Variants in POU6F2 observed in about 807,000 individuals in gnomAD.
The protein encoded by POU6F2 is POU domain, class 6, transcription factor 2.
Under a neutral mutation model 71.3 loss-of-function variants are expected in POU6F2, and 31 were observed. That is an observed-to-expected ratio of 0.43 (90% CI 0.33 to 0.59). The LOEUF (loss-of-function observed/expected upper bound fraction) is 0.59. Among genes scored for constraint, POU6F2 ranks in the 20% least tolerant of loss-of-function variants. POU6F2 has a pLI of 0.04. For missense variants in POU6F2, 783 were observed against 856.8 expected (o/e 0.91, Z 1.07); for synonymous variants, 347 against 355.7 (o/e 0.98, Z 0.27).
At chr7:39,454,767 A>C (rs143980464) in intron 8 of POU6F2, among the ~76,000 whole-genome samples, 1 of 135,430 alleles carries the variant, frequency 7.4e-6, no homozygotes, top group Non-Finnish European at 1.6e-5. Context: ...TCACAATATC[A>C]CCAAAACTTT....
intron 4 of POU6F2, among the ~76,000 whole-genome samples, chr7:39,307,658 CAATT>C (rs1285621897): frequency 9.9e-5 from 15 of 152,142 alleles, no homozygotes; most frequent in African/African-American, 3.6e-4. Context: ...AAAAAGTCCT[CAATT>C]AAGTTACTTT....
intron 4 of POU6F2, among the ~76,000 whole-genome samples, chr7:39,310,519 T>C (rs1359050176): frequency 6.6e-6 from 1 of 152,142 alleles, no homozygotes; most frequent in Non-Finnish European, 1.5e-5. Context: ...TGAAAAACAT[T>C]TGTCATTGGT....
intron 4 of POU6F2, among the ~76,000 whole-genome samples, chr7:39,272,311 C>G (rs1024278648): frequency 1.3e-5 from 2 of 152,278 alleles, no homozygotes; most frequent in East Asian, 3.9e-4. Context: ...TCCTCCACTC[C>G]CATCACAGTT....
Position 39,012,894 on chromosome 7 carries a change from A to G in POU6F2, c.105+34836A>G, listed in dbSNP as rs537351931. 3.8e-3 allele frequency among the ~76,000 whole-genome samples: 573 copies of G among 152,284 alleles called. 1 individual carries two copies. Among genetic ancestry groups the G allele is most frequent in the African/African-American group, 0.013 (551 of 41,550 alleles). On this transcript the variant is annotated intron_variant, in intron 1 of 9. Transcript: ENST00000518318. ...GCAGTCTGCCGGTTCTCAGATCTCC[A>G]GCTGCGTGCTGGGAGAACCACTGCT...
At chr7:39,260,833 GACAC>G (rs766163740) in intron 4 of POU6F2, among the ~76,000 whole-genome samples, 2 of 150,084 alleles carry the variant, frequency 1.3e-5, no homozygotes, top group African/African-American at 4.9e-5. Flanking sequence ...ACATACCACA[GACAC>G]ACACAATGCA....
At chr7:39,263,755 T>A (rs1784187843) in intron 4 of POU6F2, among the ~76,000 whole-genome samples, 1 of 152,160 alleles carries the variant, frequency 6.6e-6, no homozygotes, top group Non-Finnish European at 1.5e-5. Flanking sequence ...CAGAACAGCA[T>A]TTTTTTATTG....
chr7:38,990,184 T>C (rs995416345), intron 1 of POU6F2, among the ~76,000 whole-genome samples: 1 of 152,162 alleles, frequency 6.6e-6, no homozygotes, highest in Non-Finnish European at 1.5e-5. Context: ...TTAAGGATTA[T>C]GGTGATATGA....
intron 8 of POU6F2, among the ~76,000 whole-genome samples, chr7:39,454,234 T>G (rs2116130943): frequency 6.6e-6 from 1 of 152,128 alleles, no homozygotes; most frequent in South Asian, 2.1e-4. Context: ...AGAGTTGGAG[T>G]GCACCACTCT....
At chr7:39,342,399 T>A (rs1048599238) in intron 5 of POU6F2, among the ~76,000 whole-genome samples, 8 of 152,250 alleles carry the variant, frequency 5.3e-5, no homozygotes, top group African/African-American at 1.9e-4. Context: ...ACTAATGATC[T>A]TTATAAAGTG....
At chr7:39,151,381 T>C (rs1792756298) in intron 2 of POU6F2, among the ~76,000 whole-genome samples, 1 of 152,226 alleles carries the variant, frequency 6.6e-6, no homozygotes. Flanking sequence ...TGATCACATG[T>C]ATCCTCTCTG....
intron 5 of POU6F2, among the ~76,000 whole-genome samples, chr7:39,344,074 C>G (rs778531755): frequency 6.6e-6 from 1 of 152,186 alleles, no homozygotes; most frequent in Non-Finnish European, 1.5e-5. Flanking sequence ...TGCTTTTCCA[C>G]ACCTATACAT....
intron 5 of POU6F2, among the ~76,000 whole-genome samples, chr7:39,369,539 A>AT (rs1786567527): frequency 6.6e-6 from 1 of 150,600 alleles, no homozygotes; most frequent in Admixed American, 6.6e-5. Context: ...TTTTTTTTGT[A>AT]TTTTTGTAGA....
At chr7:39,233,190 A>G (rs1794608506) in intron 4 of POU6F2, among the ~76,000 whole-genome samples, 1 of 152,170 alleles carries the variant, frequency 6.6e-6, no homozygotes, top group South Asian at 2.1e-4. Flanking sequence ...TGAGTAATAC[A>G]GAGGTCATAG....
At chr7:39,204,593 T>C (rs535649579) in intron 3 of POU6F2, among the ~76,000 whole-genome samples, 2 of 151,552 alleles carry the variant, frequency 1.3e-5, no homozygotes, top group African/African-American at 4.8e-5. Context: ...TAAAACCCAC[T>C]ACAATTGTGC....
In POU6F2 at chr7:39,369,348, C is replaced by CA. The variant is rs1786563521; in HGVS notation, c.972+29333_972+29334insA. Among the ~76,000 whole-genome samples, 5 of 149,354 alleles carry CA rather than the reference C, an allele frequency of 3.3e-5. No homozygotes were observed. In the South Asian group the frequency reaches 1.1e-3, roughly 32 times the overall value. On this transcript the variant is annotated intron_variant, in intron 5 of 9. Coordinates refer to ENST00000518318, the MANE Select transcript of POU6F2 (RefSeq NM_001370959.1). ...TCACTGAAGGCTCAGTGATTGTTAG[C>CA]TTTTTTTTTTCTTTTTCTTTCTTTT...
At chr7:39,073,452 T>C (rs1790930505) in intron 1 of POU6F2, among the ~76,000 whole-genome samples, 1 of 151,310 alleles carries the variant, frequency 6.6e-6, no homozygotes. Context: ...AAGATTTAGC[T>C]AATCTTTCCA....
chr7:39,181,909 C>A (rs1562736437), intron 2 of POU6F2, among the ~76,000 whole-genome samples: 1 of 152,208 alleles, frequency 6.6e-6, no homozygotes, highest in Non-Finnish European at 1.5e-5. Context: ...TCATTTCCCA[C>A]CTCTTTCAGA....
chr7:39,237,121 A>G (rs1397755025), intron 4 of POU6F2, among the ~76,000 whole-genome samples: 49 of 152,212 alleles, frequency 3.2e-4, no homozygotes, highest in Non-Finnish European at 2.9e-5. Context: ...AAACAGCCCT[A>G]AGTCAGAGCC....
chr7:39,312,559 A>G (rs569070260), intron 4 of POU6F2, among the ~76,000 whole-genome samples: 1 of 152,344 alleles, frequency 6.6e-6, no homozygotes, highest in Non-Finnish European at 1.5e-5. Context: ...TAGCTGCCTG[A>G]AACCGCAAGT....
Sources: gnomAD v4.1 joint callset for allele counts (sites outside exome capture counted in the v4.1 genomes callset) on GRCh38, gnomAD v4.1.1 for gene constraint, MANE v1.5 for transcripts, NCBI Gene and HGNC (gene_info 2026-07-23, HGNC 2026-07-21) for gene names.